Variants in AFAP1L1 observed in about 807,000 individuals in gnomAD.
The protein encoded by AFAP1L1 is actin filament associated protein 1 like 1, also known as actin filament-associated protein 1-like 1.
In AFAP1L1, 77 loss-of-function variants were observed where a neutral mutation model predicts 99.8. The ratio of observed to expected loss-of-function variants is 0.77; its 90% CI spans 0.64 to 0.93. AFAP1L1 has a LOEUF of 0.93. Ranked by LOEUF, AFAP1L1 falls within the 40% of genes least tolerant of loss-of-function variation. The pLI, the probability that AFAP1L1 is intolerant of heterozygous loss-of-function variation, is 0.00. For synonymous variants in AFAP1L1, 373 were observed against 395.3 expected, an observed-to-expected ratio of 0.94 and a Z score of 0.67; for missense variants, 893 against 996.8, an observed-to-expected ratio of 0.90 and a Z score of 1.40.
chr5:149,299,178 A>G (rs1465598766), intron 1 of AFAP1L1, among the ~76,000 whole-genome samples: 8 of 152,190 alleles, frequency 5.3e-5, no homozygotes, highest in Admixed American at 1.3e-4. Flanking sequence ...GCAGAGGGCA[A>G]TCTGGGACAG....
intron 7 of AFAP1L1, 85 bp downstream of exon 7, chr5:149,307,698 C>G: frequency 7.1e-7 from 1 of 1,402,972 alleles, no homozygotes; most frequent in Non-Finnish European, 9.8e-7. Flanking sequence ...GATATGTCTG[C>G]CTTGGGCATA....
At chr5:149,300,399 T>C (rs1254894096) in intron 3 of AFAP1L1, 45 bp downstream of exon 3, 1 of 1,547,936 alleles carries the variant, frequency 6.5e-7, no homozygotes, top group Non-Finnish European at 8.9e-7. Flanking sequence ...CATCCCTCTT[T>C]CCCTGTGTAT....
intron 9 of AFAP1L1, among the ~76,000 whole-genome samples, chr5:149,314,604 G>A (rs529265931): frequency 6.6e-6 from 1 of 152,270 alleles, no homozygotes; most frequent in South Asian, 2.1e-4. Flanking sequence ...AACACATAGA[G>A]CCATAACTTC....
intron 15 of AFAP1L1, among the ~76,000 whole-genome samples, chr5:149,327,979 C>T (rs1757143198): frequency 6.6e-6 from 1 of 152,130 alleles, no homozygotes; most frequent in African/African-American, 2.4e-5. Flanking sequence ...GCAAGGAGAT[C>T]TACAAAAGAG....
chr5:149,321,634 C>T (rs961357369), intron 14 of AFAP1L1, among the ~76,000 whole-genome samples: 3 of 141,138 alleles, frequency 2.1e-5, no homozygotes, highest in African/African-American at 8.1e-5. Context: ...GAGGCTGAGG[C>T]AGGAGGATCG....
rs143027809 is a variant in AFAP1L1 at position 149,288,414 on chromosome 5, G to A, written c.17-11095G>A. Among the ~76,000 whole-genome samples the A allele has an allele frequency of 2.2e-4, 33 of 152,296 alleles. 2 individuals are homozygous for A. Among genetic ancestry groups the A allele is most frequent in the African/African-American group, 7.5e-4 (31 of 41,538 alleles). On this transcript the variant is annotated intron_variant, in intron 1 of 18. Transcript: ENST00000296721. ...ATGAGGAGTAAGTGAGGTAATCCAT[G>A]CAAAATGCTTAGCACAACATCTGGA... is the stretch of plus-strand genomic sequence containing the variant.
intron 16 of AFAP1L1, among the ~76,000 whole-genome samples, chr5:149,330,548 C>G (rs1408464237): frequency 6.6e-6 from 1 of 152,182 alleles, no homozygotes; most frequent in African/African-American, 2.4e-5. Flanking sequence ...CCTGTGGAGC[C>G]TATCCATAGA....
At chr5:149,297,140 A>G (rs943629003) in intron 1 of AFAP1L1, among the ~76,000 whole-genome samples, 4 of 152,230 alleles carry the variant, frequency 2.6e-5, no homozygotes, top group Admixed American at 1.3e-4. Context: ...TTGTTATTCC[A>G]TTTGAAAAGA....
At chr5:149,279,767 C>T (rs967101885) in intron 1 of AFAP1L1, among the ~76,000 whole-genome samples, 3 of 152,030 alleles carry the variant, frequency 2.0e-5, no homozygotes, top group Admixed American at 2.0e-4. Flanking sequence ...TCACACTGGC[C>T]CTGCTCCTTG....
chr5:149,271,911 C>T lies in AFAP1L1; in HGVS notation c.-58C>T, dbSNP rs1424115909. The T allele has an allele frequency of 2.5e-6, 3 of 1,201,754 alleles. No homozygotes were observed. The highest frequency in any genetic ancestry group is 4.2e-5 in the South Asian group (1 of 23,998). The allele number at this position is 1,201,754 out of a possible 1,614,324, so 74.4% of individuals were successfully genotyped here. ...GAGAGCGCAGCGCGCCGGCCGCTAC[C>T]AGCCGCGCCGGAGCCCCTGCGCCCT... On this transcript the variant is annotated 5_prime_UTR_variant, in exon 1 of 19. Coordinates refer to ENST00000296721, the MANE Select transcript of AFAP1L1 (RefSeq NM_152406.4).
Position 149,302,461 on chromosome 5 carries a change from A to T in AFAP1L1, c.371A>T (p.Glu124Val), listed in dbSNP as rs753120350. Residue 124 changes from glutamate (E) to valine (V), a missense_variant, in exon 5 of 19, where the codon GAG (glutamate) becomes GTG (valine). Transcript: ENST00000296721. ...PPPLPNKPPP[E>V]DYYEEALPLG... ...CCGCTCCCCAACAAGCCTCCCCCTG[A>T]GGACTACTATGAAGAGGCCCTTCCT... 21 of 1,597,020 alleles carry T rather than the reference A, an allele frequency of 1.3e-5. No individual in the cohort carries two copies. In the South Asian group the frequency reaches 2.4e-4, roughly 18 times the overall value.
intron 1 of AFAP1L1, among the ~76,000 whole-genome samples, chr5:149,282,841 A>G (rs571843981): frequency 3.3e-5 from 5 of 152,348 alleles, no homozygotes; most frequent in African/African-American, 7.2e-5. Context: ...TCCTTAAACC[A>G]TACGAGAGTG....
At chr5:149,336,189 A>T (rs899302977) in intron 18 of AFAP1L1, among the ~76,000 whole-genome samples, 3 of 152,372 alleles carry the variant, frequency 2.0e-5, no homozygotes, top group Middle Eastern at 3.4e-3. Context: ...TTATAAAGGT[A>T]ATATGGTACC....
intron 15 of AFAP1L1, among the ~76,000 whole-genome samples, chr5:149,328,433 A>T (rs352335): frequency 0.11 from 16,606 of 152,204 alleles, 1,243 homozygotes; most frequent in Non-Finnish European, 0.16. Context: ...CATGGGTTTA[A>T]CCTCGGCTCT....
chr5:149,288,121 C>G (rs1014556701), intron 1 of AFAP1L1, among the ~76,000 whole-genome samples: 3 of 152,346 alleles, frequency 2.0e-5, no homozygotes, highest in African/African-American at 7.2e-5. Flanking sequence ...GGCCAGACAT[C>G]CGACCTGGTG....
At position 149,322,630 on chromosome 5, in the gene AFAP1L1, G is replaced by T; in HGVS notation, c.1723G>T (p.Gly575Trp). 1 of 1,586,502 alleles carries T rather than the reference G, an allele frequency of 6.3e-7. No homozygotes were observed. The highest frequency in any genetic ancestry group is 8.6e-7 in the Non-Finnish European group (1 of 1,165,476). ...MQDEEPERPT[G>W]AQVKRHASSC... ...GGACGAGGAGCCCGAGCGCCCCACA[G>T]GGGCCCAGGTGAAGCGTCACGCCTC... is the stretch of plus-strand genomic sequence containing the variant. Residue 575 changes from glycine to tryptophan, a missense_variant, in exon 15 of 19, where the codon GGG becomes TGG. Transcript: ENST00000296721.
intron 18 of AFAP1L1, among the ~76,000 whole-genome samples, 155 bp downstream of exon 18, chr5:149,335,877 A>G (rs1757393500): frequency 6.6e-6 from 1 of 152,238 alleles, no homozygotes; most frequent in Non-Finnish European, 1.5e-5. Context: ...AGAAGGGGTA[A>G]TCCTCAGATC....
At chr5:149,297,849 G>A (rs1756066786) in intron 1 of AFAP1L1, among the ~76,000 whole-genome samples, 1 of 152,190 alleles carries the variant, frequency 6.6e-6, no homozygotes, top group South Asian at 2.1e-4. Context: ...GACACTCAGG[G>A]ATCAGCACAG....
chr5:149,281,867 G>C (rs543637565), intron 1 of AFAP1L1, among the ~76,000 whole-genome samples: 1 of 152,140 alleles, frequency 6.6e-6, no homozygotes, highest in South Asian at 2.1e-4. Flanking sequence ...AGGAAAAGGA[G>C]GTCTGAATAA....
Sources: gnomAD v4.1 joint callset for allele counts (sites outside exome capture counted in the v4.1 genomes callset) on GRCh38, gnomAD v4.1.1 for gene constraint, MANE v1.5 for transcripts, NCBI Gene and HGNC (gene_info 2026-07-23, HGNC 2026-07-21) for gene names.